The following LHFPL6 variants were observed in gnomAD, a reference collection of about 807,000 sequenced individuals.
LHFPL6 encodes LHFPL tetraspan subfamily member 6.
In LHFPL6, 9 loss-of-function variants were observed where a neutral mutation model predicts 20.6. The ratio of observed to expected loss-of-function variants is 0.44; its 90% CI spans 0.26 to 0.76. The LOEUF is 0.76. Among genes scored for constraint, LHFPL6 ranks in the 30% least tolerant of loss-of-function variants. LHFPL6 has a pLI of 0.20. For synonymous variants in LHFPL6, 105 were observed against 98.7 expected (o/e 1.06, Z -0.38); for missense variants, 218 against 253.5 (o/e 0.86, Z 0.95).
At chr13:39,491,450 G>A (rs1375080483) in intron 2 of LHFPL6, among the ~76,000 whole-genome samples, 2 of 152,218 alleles carry the variant, frequency 1.3e-5, no homozygotes, top group Non-Finnish European at 2.9e-5. Flanking sequence ...AGAGGGCTCT[G>A]AAGGCCTGCC....
intron 2 of LHFPL6, among the ~76,000 whole-genome samples, chr13:39,388,924 C>T (rs987904645): frequency 3.3e-5 from 5 of 152,164 alleles, no homozygotes; most frequent in South Asian, 2.1e-4. Flanking sequence ...TTACACTGGC[C>T]GTGGGAAATC....
rs958154833 is a variant in LHFPL6 at position 39,353,422 on chromosome 13, G to A, written c.485-9368C>T. Among the ~76,000 whole-genome samples, 14 of 152,136 alleles carry A rather than the reference G, an allele frequency of 9.2e-5. No homozygotes were observed. The East Asian group carries it at 2.7e-3, about 30-fold the overall frequency. On this transcript the variant is annotated intron_variant, in intron 3 of 3. Transcript: ENST00000379589. ...GAGAGAAGAATGTTTGTGGGGTGTG[G>A]TGCTTTTTAAAAGCTACTTTGCGGC...
intron 2 of LHFPL6, among the ~76,000 whole-genome samples, chr13:39,561,640 A>G (rs1328102168): frequency 6.6e-6 from 1 of 152,112 alleles, no homozygotes; most frequent in African/African-American, 2.4e-5. Context: ...TTTGTTTGGT[A>G]AAAACAGGAT....
intron 2 of LHFPL6, among the ~76,000 whole-genome samples, chr13:39,467,661 C>T (rs1250059216): frequency 6.6e-6 from 1 of 152,152 alleles, no homozygotes; most frequent in Admixed American, 6.5e-5. Context: ...AGATTAAATT[C>T]ATATCATAGA....
intron 2 of LHFPL6, among the ~76,000 whole-genome samples, chr13:39,397,964 ACT>A (rs1870886599): frequency 6.6e-6 from 1 of 151,982 alleles, no homozygotes; most frequent in African/African-American, 2.4e-5. Flanking sequence ...AGAAGCAGTA[ACT>A]CTGCTGAACA....
intron 2 of LHFPL6, among the ~76,000 whole-genome samples, chr13:39,475,826 C>T (rs1873071870): frequency 6.6e-6 from 1 of 152,172 alleles, no homozygotes; most frequent in African/African-American, 2.4e-5. Context: ...AGGATCACTA[C>T]TCTCTATCCC....
At chr13:39,449,508 C>T (rs1467973795) in intron 2 of LHFPL6, among the ~76,000 whole-genome samples, 3 of 152,156 alleles carry the variant, frequency 2.0e-5, no homozygotes, top group Admixed American at 6.5e-5. Context: ...AGTAGATTTA[C>T]AATTTTGCCA....
At chr13:39,570,199 G>A (rs1871870485) in intron 2 of LHFPL6, among the ~76,000 whole-genome samples, 1 of 152,122 alleles carries the variant, frequency 6.6e-6, no homozygotes, top group African/African-American at 2.4e-5. Context: ...CTGGAGTTCA[G>A]TGGCACAACC....
intron 3 of LHFPL6, among the ~76,000 whole-genome samples, chr13:39,364,597 C>T (rs1221371413): frequency 6.6e-6 from 1 of 152,146 alleles, no homozygotes; most frequent in Non-Finnish European, 1.5e-5. Flanking sequence ...CTTATGATCA[C>T]ACCAATCAAA....
At chr13:39,358,705 A>G (rs1430629297) in intron 3 of LHFPL6, among the ~76,000 whole-genome samples, 1 of 152,222 alleles carries the variant, frequency 6.6e-6, no homozygotes, top group African/African-American at 2.4e-5. Context: ...GAAAAACCAA[A>G]TAACCACATT....
At chr13:39,540,877 A>AT (rs1352584808) in intron 2 of LHFPL6, among the ~76,000 whole-genome samples, 1 of 152,202 alleles carries the variant, frequency 6.6e-6, no homozygotes, top group African/African-American at 2.4e-5. Flanking sequence ...ATTTAGAAAC[A>AT]TTTTTTCTCT....
chr13:39,481,753 G>A (rs1224346098), intron 2 of LHFPL6, among the ~76,000 whole-genome samples: 1 of 152,148 alleles, frequency 6.6e-6, no homozygotes, highest in Non-Finnish European at 1.5e-5. Flanking sequence ...GCAAGGCCAG[G>A]GTAATGAGTT....
chr13:39,597,336 C>T, intron 2 of LHFPL6, among the ~76,000 whole-genome samples: 1 of 152,172 alleles, frequency 6.6e-6, no homozygotes, highest in East Asian at 1.9e-4. Context: ...TATGTCTTTA[C>T]AACATTCTTA....
At chr13:39,359,335 T>C (rs1412772413) in intron 3 of LHFPL6, among the ~76,000 whole-genome samples, 1 of 152,196 alleles carries the variant, frequency 6.6e-6, no homozygotes, top group African/African-American at 2.4e-5. Context: ...GCTAGGTATA[T>C]GCCCAAAATA....
intron 2 of LHFPL6, among the ~76,000 whole-genome samples, chr13:39,521,410 T>A (rs992567951): frequency 6.6e-6 from 1 of 152,228 alleles, no homozygotes; most frequent in African/African-American, 2.4e-5. Context: ...TGTATGTGCA[T>A]TACATGTACA....
intron 2 of LHFPL6, among the ~76,000 whole-genome samples, chr13:39,547,916 A>G (rs1871029346): frequency 6.6e-6 from 1 of 152,136 alleles, no homozygotes; most frequent in Non-Finnish European, 1.5e-5. Flanking sequence ...AGGTAATGTT[A>G]TACCTTAGAT....
intron 2 of LHFPL6, among the ~76,000 whole-genome samples, chr13:39,426,811 T>A (rs1255902729): frequency 3.9e-5 from 6 of 152,308 alleles, no homozygotes; most frequent in East Asian, 1.9e-4. Context: ...GCATTTGGTA[T>A]CGTATCTAAG....
chr13:39,580,911 G>A (rs564561316), intron 2 of LHFPL6, among the ~76,000 whole-genome samples: 1 of 152,276 alleles, frequency 6.6e-6, no homozygotes, highest in African/African-American at 2.4e-5. Context: ...GACAACACAT[G>A]GCCATAGAGT....
chr13:39,548,895 G>T (rs1457352986), intron 2 of LHFPL6, among the ~76,000 whole-genome samples: 2 of 151,972 alleles, frequency 1.3e-5, no homozygotes, highest in South Asian at 4.2e-4. Context: ...ATCCACAAAG[G>T]TAAATATTGA....
Sources: gnomAD v4.1 joint callset for allele counts (sites outside exome capture counted in the v4.1 genomes callset) on GRCh38, gnomAD v4.1.1 for gene constraint, MANE v1.5 for transcripts, NCBI Gene and HGNC (gene_info 2026-07-23, HGNC 2026-07-21) for gene names.